The following CBX2 variants were observed in gnomAD, a reference collection of about 807,000 sequenced individuals.
The protein encoded by CBX2 is chromobox protein homolog 2.
A neutral mutation model predicts 21.0 loss-of-function variants in CBX2; 11 were observed. That is an observed-to-expected ratio of 0.52 (90% CI 0.33 to 0.87). The LOEUF (loss-of-function observed/expected upper bound fraction) is 0.87. Among genes scored for constraint, CBX2 ranks in the 40% least tolerant of loss-of-function variants. CBX2 has a pLI of 0.02. For synonymous variants in CBX2, 364 were observed against 304.6 expected, an observed-to-expected ratio of 1.19 and a Z score of -2.03; for missense variants, 746 against 724.3, an observed-to-expected ratio of 1.03 and a Z score of -0.34.
rs1907629266 is a variant in CBX2, at chr17:79,786,248, AC to A, written c.*1207del. On this transcript the variant is annotated 3_prime_UTR_variant, in exon 5 of 5. Coordinates refer to ENST00000310942, the MANE Select transcript of CBX2 (RefSeq NM_005189.3). ...CCGTGGGTCCAGCCAACAACTCCCT[AC>A]GTCCTGTGTGGGGCCCTGCCCAAGT... 6.5e-6 allele frequency: 1 copy of A among 152,728 alleles called. No individual in the cohort carries two copies. Among genetic ancestry groups the A allele is most frequent in the African/African-American group, 2.4e-5 (1 of 41,448 alleles). 9.5% of individuals were successfully genotyped at this position (152,728 alleles called of 1,614,324 possible).
At position 79,786,365 on chromosome 17, in the gene CBX2, CTA is replaced by C. The variant is rs1295508325; in HGVS notation, c.*1324_*1325del. The C allele has an allele frequency of 1.3e-5, 2 of 152,718 alleles. No individual in the cohort carries two copies. Among genetic ancestry groups the C allele is most frequent in the African/African-American group, 4.8e-5 (2 of 41,458 alleles). The allele number at this position is 152,718 out of a possible 1,614,324, so 9.5% of individuals were successfully genotyped here. A position where few individuals can be genotyped will look rare whatever the true frequency, so the allele number is the denominator to read the frequency against. On this transcript the variant is annotated 3_prime_UTR_variant, in exon 5 of 5. Coordinates refer to ENST00000310942, the MANE Select transcript of CBX2 (RefSeq NM_005189.3). ...GCTTGGCTCCTTTCCAGCTGAAAAA[CTA>C]GACCTGTGCCATTGGGGAAGCTGGA...
At chr17:79,777,958 G>T (rs1181638540), upstream of CBX2, among the ~76,000 whole-genome samples, 2 of 143,632 alleles carry the variant, frequency 1.4e-5, no homozygotes, top group South Asian at 2.1e-4. Context: ...GCCCCGCGCG[G>T]GACCCCCCGC....
upstream of CBX2, among the ~76,000 whole-genome samples, chr17:79,777,733 G>C (rs1906821327): frequency 1.3e-5 from 2 of 152,146 alleles, no homozygotes; most frequent in Admixed American, 1.3e-4. Context: ...TCGAAGGCGG[G>C]GGCAGGAAGC....
intron 3 of CBX2, 147 bp downstream of exon 3, chr17:79,779,574 G>C: frequency 1.4e-6 from 1 of 707,968 alleles, no homozygotes; most frequent in East Asian, 2.7e-5. Context: ...GGCCATCTCT[G>C]TGGCTGGCTG....
At position 79,787,913 on chromosome 17, in the gene CBX2, C is replaced by T. The variant is rs1907742484; in HGVS notation, c.*2871C>T. The T allele has an allele frequency of 6.6e-6, 1 of 152,038 alleles. No homozygotes were observed. Among genetic ancestry groups the T allele is most frequent in the Non-Finnish European group, 1.5e-5 (1 of 68,018 alleles). The allele number at this position is 152,038 out of a possible 1,614,324, so 9.4% of individuals were successfully genotyped here. On this transcript the variant is annotated 3_prime_UTR_variant, in exon 5 of 5. Transcript: ENST00000310942. ...CTTCAGGGGAGGATCAAGCTTTGAACCAAAGCCAATCACTGGCTTGATTTG... is the reference window on the plus strand; with the variant it reads ...CTTCAGGGGAGGATCAAGCTTTGAATCAAAGCCAATCACTGGCTTGATTTG...
upstream of CBX2, among the ~76,000 whole-genome samples, chr17:79,777,962 C>A (rs1240254395): frequency 2.1e-5 from 3 of 144,654 alleles, no homozygotes; most frequent in South Asian, 4.2e-4. Context: ...CGCGCGGGAC[C>A]CCCCGCCGGA....
chr17:79,783,408 ATC>A (rs1240381910), intron 4 of CBX2, among the ~76,000 whole-genome samples: 7 of 139,486 alleles, frequency 5.0e-5, no homozygotes, highest in African/African-American at 1.9e-4. Context: ...CTTCTCCTTT[ATC>A]TTTTTTTTTT....
chr17:79,785,111 C>A lies in CBX2; in HGVS notation c.*69C>A. The A allele has an allele frequency of 7.4e-7, 1 of 1,360,388 alleles. No individual in the cohort carries two copies. Among genetic ancestry groups the A allele is most frequent in the East Asian group, 2.3e-5 (1 of 43,446 alleles). The allele number at this position is 1,360,388 out of a possible 1,614,324, so 84.3% of individuals were successfully genotyped here. On this transcript the variant is annotated 3_prime_UTR_variant, in exon 5 of 5. Coordinates refer to ENST00000310942, the MANE Select transcript of CBX2 (RefSeq NM_005189.3). ...CCTATGGTGTCGCTTGGCTAAGTGA[C>A]TCCCAGCCCAAGCCCCCTCAAGAGT...
chr17:79,787,290 TCTGTCCCTGTCTGC>T lies in CBX2; in HGVS notation c.*2252_*2265del. On this transcript the variant is annotated 3_prime_UTR_variant, in exon 5 of 5. Coordinates refer to ENST00000310942, the MANE Select transcript of CBX2 (RefSeq NM_005189.3). ...AGGAGCTGTTGGAGAAATGAGGATG[TCTGTCCCTGTCTGC>T]CTGGGCAGGCCAGATTCCTCCCCAG... 6.5e-6 allele frequency: 1 copy of T among 152,780 alleles called. No homozygotes were observed. The highest frequency in any genetic ancestry group is 2.4e-5 in the African/African-American group (1 of 41,588). 9.5% of individuals were successfully genotyped at this position (152,780 alleles called of 1,614,324 possible).
At chr17:79,781,322 T>C (rs1598222269) in intron 3 of CBX2, among the ~76,000 whole-genome samples, 1 of 152,138 alleles carries the variant, frequency 6.6e-6, no homozygotes, top group African/African-American at 2.4e-5. Flanking sequence ...TTCCTTCTCC[T>C]ATTGAAAGTA....
At chr17:79,782,263 C>T (rs1907281662) in intron 4 of CBX2, 3 of 1,558,450 alleles carry the variant, frequency 1.9e-6, no homozygotes, top group South Asian at 2.4e-5. Flanking sequence ...GCAGGGCTGA[C>T]TGAATAGCCA....
rs1168045235 is a variant in CBX2, at chr17:79,778,795, T to C, written c.116+368T>C. On this transcript the variant is annotated intron_variant, in intron 2 of 4. Coordinates refer to ENST00000310942, the MANE Select transcript of CBX2 (RefSeq NM_005189.3). The surrounding 1 kb of genome is among the most constrained non-coding windows in gnomAD (Gnocchi z 4.8). ...GCTTGCTATTGATGGATGTAGAGTTTCTTTTTTTTTTTCTTTCTTTTAATG... is the reference window on the plus strand; with the variant it reads ...GCTTGCTATTGATGGATGTAGAGTTCCTTTTTTTTTTTCTTTCTTTTAATG... Among the ~76,000 whole-genome samples, 1 of 151,622 alleles carries C rather than the reference T, an allele frequency of 6.6e-6. No homozygotes were observed. The highest frequency in any genetic ancestry group is 1.5e-5 in the Non-Finnish European group (1 of 67,956).
Position 79,785,310 on chromosome 17 carries a change from C to G in CBX2, c.*268C>G. ...TGCTCTCCCCTCTTGCCTCAGGAAA[C>G]CCGGTGGCACCTGTGGCTCCAGGTG... On this transcript the variant is annotated 3_prime_UTR_variant, in exon 5 of 5. Coordinates refer to ENST00000310942, the MANE Select transcript of CBX2 (RefSeq NM_005189.3). 1 of 549,166 alleles carries G rather than the reference C, an allele frequency of 1.8e-6. No homozygotes were observed. The highest frequency in any genetic ancestry group is 3.3e-6 in the Non-Finnish European group (1 of 303,914). The allele number at this position is 549,166 out of a possible 1,614,324, so 34.0% of individuals were successfully genotyped here.
At chr17:79,777,576 C>T (rs1906809392), upstream of CBX2, among the ~76,000 whole-genome samples, 1 of 152,148 alleles carries the variant, frequency 6.6e-6, no homozygotes, top group Non-Finnish European at 1.5e-5. Flanking sequence ...GTGGGCCCCT[C>T]CCCCGGACTT....
At position 79,784,103 on chromosome 17, in the gene CBX2, G is replaced by A. The variant is rs367576987; in HGVS notation, c.660G>A (p.Glu220=). 5.6e-5 allele frequency: 90 copies of A among 1,611,614 alleles called. No homozygotes were observed. Among genetic ancestry groups the A allele is most frequent in the Non-Finnish European group, 7.4e-5 (87 of 1,179,326 alleles). The change falls in exon 5 of 5, where the codon GAG becomes GAA. Residue 220 remains glutamate (E), a synonymous_variant. Coordinates refer to ENST00000310942, the MANE Select transcript of CBX2 (RefSeq NM_005189.3). This position sits in a 1 kb window ranked among gnomAD's most constrained non-coding sequence, Gnocchi z 5.9. The stretch of plus-strand genomic sequence containing the variant: ...CAGCTCTGAAGGCCCACGCCAAGGA[G>A]GCCTGTGGCGGCCCCAGTGCCATGG... ...GLAALKAHAK[E]ACGGPSAMAT...
intron 4 of CBX2, chr17:79,782,177 G>T: frequency 6.2e-7 from 1 of 1,612,364 alleles, no homozygotes; most frequent in South Asian, 1.1e-5. Flanking sequence ...GGCTGGATGT[G>T]ACTCAAAAGC....
intron 4 of CBX2, 63 bp from the exon 5 acceptor site, chr17:79,783,669 C>T: frequency 6.9e-7 from 1 of 1,456,254 alleles, no homozygotes; most frequent in East Asian, 2.5e-5. Context: ...TTCGGCCTCC[C>T]AAAGTGCTGG....
chr17:79,783,882 G>T lies in CBX2; in HGVS notation c.439G>T (p.Ala147Ser). The T allele has an allele frequency of 6.2e-7, 1 of 1,614,048 alleles. No individual in the cohort carries two copies. Among genetic ancestry groups the T allele is most frequent in the Non-Finnish European group, 8.5e-7 (1 of 1,180,012 alleles). Residue 147 changes from alanine (A) to serine (S), a missense_variant, in exon 5 of 5, where the codon GCC (alanine) becomes TCC (serine). Ala to Ser is a moderately conservative substitution (Grantham distance 99). This residue lies in a region of CBX2 where 701 missense variants were observed against 650.7 expected (regional missense o/e 1.08). Coordinates refer to ENST00000310942, the MANE Select transcript of CBX2 (RefSeq NM_005189.3). ...RETHPVPQKK[A>S]QILVAKPELK... ...GACCCACCCAGTGCCGCAGAAGAAG[G>T]CCCAGATCCTGGTGGCCAAACCCGA...
chr17:79,778,319 C>T lies in CBX2; in HGVS notation c.72+12C>T, dbSNP rs1555829398. On this transcript the variant is annotated intron_variant, in intron 1 of 4. Coordinates refer to ENST00000310942, the MANE Select transcript of CBX2 (RefSeq NM_005189.3). This position sits in a 1 kb window ranked among gnomAD's most constrained non-coding sequence, Gnocchi z 4.8. ...AGCGGCTCCGCAAGGTGCGTGCGGC[C>T]CGCCGGGCCCCCCGCCCGCCGCCCG... is the stretch of plus-strand genomic sequence containing the variant. 1.3e-6 allele frequency: 2 copies of T among 1,562,338 alleles called. No individual in the cohort carries two copies. The highest frequency in any genetic ancestry group is 2.0e-4 in the Middle Eastern group (1 of 5,012).
Sources: gnomAD v4.1 joint callset for allele counts (sites outside exome capture counted in the v4.1 genomes callset) on GRCh38, gnomAD v4.1.1 for gene constraint, gnomAD v4.1.1 regional missense constraint, Gnocchi (gnomAD v3.1) non-coding constraint, MANE v1.5 for transcripts, NCBI Gene and HGNC (gene_info 2026-07-23, HGNC 2026-07-21) for gene names.